ARHGEF7: variants seen among roughly 807,000 people sequenced by gnomAD.
ARHGEF7 encodes Rho guanine nucleotide exchange factor 7.
Under a neutral mutation model 109.8 loss-of-function variants are expected in ARHGEF7, and 33 were observed. The observed-to-expected ratio is 0.30, with a 90% CI of 0.23 to 0.40. The LOEUF is 0.40. Ranked by LOEUF, ARHGEF7 falls within the 10% of genes least tolerant of loss-of-function variation. ARHGEF7 has a pLI of 1.00. For missense variants in ARHGEF7, 938 were observed against 1,098.5 expected, an observed-to-expected ratio of 0.85 and a Z score of 2.07; for synonymous variants, 458 against 424.6, an observed-to-expected ratio of 1.08 and a Z score of -0.97.
intron 2 of ARHGEF7, among the ~76,000 whole-genome samples, chr13:111,184,177 A>C (rs1026770082): frequency 6.6e-6 from 1 of 151,810 alleles, no homozygotes; most frequent in Admixed American, 6.6e-5. Flanking sequence ...TTTGCCTGGC[A>C]CTCATTCTCT....
In ARHGEF7 at chr13:111,292,198, A is replaced by G. The variant is rs199787085; in HGVS notation, c.2215A>G (p.Ser739Gly). ...AAGCCTAGACTCCCTGGGGCGTCGC[A>G]GTAGCCTTTCTCGTTTGGAGCCTTC... ...QPSLDSLGRR[S>G]SLSRLEPSDL... Residue 739 changes from serine (S) to glycine (G), a missense_variant, in exon 19 of 22, where the codon AGT (serine) becomes GGT (glycine). Ser to Gly is a moderately conservative substitution (Grantham distance 56, BLOSUM62 0). Coordinates refer to ENST00000646102, the MANE Select transcript of ARHGEF7 (RefSeq NM_001354046.2). 32 of 1,614,026 alleles carry G rather than the reference A, an allele frequency of 2.0e-5. No homozygotes were observed. Among genetic ancestry groups the G allele is most frequent in the Non-Finnish European group, 2.6e-5 (31 of 1,180,030 alleles).
chr13:111,130,322 A>G (rs2074676011), intron 1 of ARHGEF7, among the ~76,000 whole-genome samples: 1 of 152,216 alleles, frequency 6.6e-6, no homozygotes, highest in Admixed American at 6.5e-5. Flanking sequence ...CACAGTTTAC[A>G]TATGAGCAGT....
rs188101755 is a variant in ARHGEF7, at chr13:111,129,604, T to C, written c.165+13913T>C. ...CCACAAAATATGTACAGATGGCAAA[T>C]AAGCACTCAAAAAGAAGCTCAACAT... On this transcript the variant is annotated intron_variant, in intron 1 of 21. Transcript: ENST00000646102. Among the ~76,000 whole-genome samples the C allele has an allele frequency of 4.6e-3, 694 of 152,244 alleles. 3 individuals carry two copies. The highest frequency in any genetic ancestry group is 7.6e-3 in the Non-Finnish European group (514 of 68,002).
intron 8 of ARHGEF7, among the ~76,000 whole-genome samples, chr13:111,264,074 A>T (rs977465590): frequency 6.6e-6 from 1 of 152,322 alleles, no homozygotes; most frequent in Non-Finnish European, 1.5e-5. Flanking sequence ...TTAGCTGTTC[A>T]CAGTTGGAAA....
rs768145596 is a variant in ARHGEF7 at position 111,252,464 on chromosome 13, A to T, written c.950+8170A>T. On this transcript the variant is annotated intron_variant, in intron 8 of 21. Coordinates refer to ENST00000646102, the MANE Select transcript of ARHGEF7 (RefSeq NM_001354046.2). Reference sequence around the variant, plus strand: ...CTTCTCCTTCCTAGATGTCCAGTACAGAAGACATTACATGTTTTGCTGCAA... The same window carrying T: ...CTTCTCCTTCCTAGATGTCCAGTACTGAAGACATTACATGTTTTGCTGCAA... Among the ~76,000 whole-genome samples, 38 of 152,366 alleles carry T rather than the reference A, an allele frequency of 2.5e-4. No individual in the cohort carries two copies. The Middle Eastern group carries it at 0.024, about 95-fold the overall frequency.
At chr13:111,156,053 A>T (rs1055442570) in intron 2 of ARHGEF7, among the ~76,000 whole-genome samples, 1 of 148,632 alleles carries the variant, frequency 6.7e-6, no homozygotes, top group Non-Finnish European at 1.5e-5. Context: ...ACTGCACTCC[A>T]GCCTGGGTGA....
In ARHGEF7 at chr13:111,174,295, C is replaced by G. The variant is rs368895677; in HGVS notation, c.252+20304C>G. On this transcript the variant is annotated intron_variant, in intron 2 of 21. Transcript: ENST00000646102. ...TTACTGATTTTTACATTTAACCACA[C>G]TGTTAAAATGTCCAGACGGCAGTGC... is the stretch of plus-strand genomic sequence containing the variant. Among the ~76,000 whole-genome samples, 21 of 152,348 alleles carry G rather than the reference C, an allele frequency of 1.4e-4. No homozygotes were observed. In the East Asian group the frequency reaches 3.3e-3, roughly 24 times the overall value.
chr13:111,215,537 G>A (rs1272543737), intron 4 of ARHGEF7, among the ~76,000 whole-genome samples: 1 of 152,148 alleles, frequency 6.6e-6, no homozygotes, highest in East Asian at 1.9e-4. Flanking sequence ...TCGGTGTTCA[G>A]GGTAACATGA....
At position 111,258,975 on chromosome 13, in the gene ARHGEF7, A is replaced by G. The variant is rs2090775845; in HGVS notation, c.951-8573A>G. ...TGCAGGCCCGGTGGTGGCTACAGGG[A>G]GAGGTTTCCTGCTTATGGAAAAGGG... On this transcript the variant is annotated intron_variant, in intron 8 of 21. Transcript: ENST00000646102. The surrounding 1 kb of genome is among the most constrained non-coding windows in gnomAD (Gnocchi z 4.4). 1.3e-5 allele frequency among the ~76,000 whole-genome samples: 2 copies of G among 152,032 alleles called. No homozygotes were observed. The highest frequency in any genetic ancestry group is 4.8e-5 in the African/African-American group (2 of 41,378).
intron 8 of ARHGEF7, among the ~76,000 whole-genome samples, chr13:111,257,029 GTAA>G (rs762938175): frequency 2.0e-5 from 3 of 152,232 alleles, no homozygotes; most frequent in Non-Finnish European, 4.4e-5. Flanking sequence ...TTCCAAAGTT[GTAA>G]TAATCTACAG....
intron 2 of ARHGEF7, among the ~76,000 whole-genome samples, chr13:111,196,478 C>T (rs1566783821): frequency 6.6e-6 from 1 of 152,194 alleles, no homozygotes; most frequent in South Asian, 2.1e-4. Flanking sequence ...TTGCCCTAGA[C>T]CCTGTAGGAA....
intron 1 of ARHGEF7, among the ~76,000 whole-genome samples, chr13:111,137,833 A>C (rs550594417): frequency 1.3e-5 from 2 of 152,220 alleles, no homozygotes; most frequent in African/African-American, 2.4e-5. Flanking sequence ...TATTCAAATT[A>C]GGGTTGGGAA....
rs1238201115 is a variant in ARHGEF7 at position 111,145,746 on chromosome 13, G to A, written c.166-8159G>A. Among the ~76,000 whole-genome samples the A allele has an allele frequency of 6.6e-6, 1 of 152,244 alleles. No individual in the cohort carries two copies. Among genetic ancestry groups the A allele is most frequent in the East Asian group, 1.9e-4 (1 of 5,202 alleles). On this transcript the variant is annotated intron_variant, in intron 1 of 21. Coordinates refer to ENST00000646102, the MANE Select transcript of ARHGEF7 (RefSeq NM_001354046.2). The surrounding 1 kb of genome is among the most constrained non-coding windows in gnomAD (Gnocchi z 4.3). ...TGGCTCAACCCCACCAGAAGCCAGA[G>A]AGCAGGGAAGCCTGGTTGATGCAGT...
chr13:111,146,161 A>G (rs1414685321), intron 1 of ARHGEF7, among the ~76,000 whole-genome samples: 1 of 152,178 alleles, frequency 6.6e-6, no homozygotes, highest in Non-Finnish European at 1.5e-5. Flanking sequence ...TTGATGGCAA[A>G]GACCTGGGGT....
Position 111,272,208 on chromosome 13 carries a change from C to T in ARHGEF7, c.1074-1606C>T, listed in dbSNP as rs1443074798. ...GAGAAGCGGGAAGGGCTGGCACCAC[C>T]CTGGCTCTCAGTCCTCCTTATGGGA... On this transcript the variant is annotated intron_variant, in intron 9 of 21. Coordinates refer to ENST00000646102, the MANE Select transcript of ARHGEF7 (RefSeq NM_001354046.2). This position sits in a 1 kb window ranked among gnomAD's most constrained non-coding sequence, Gnocchi z 5.2. Among the ~76,000 whole-genome samples, 1 of 152,226 alleles carries T rather than the reference C, an allele frequency of 6.6e-6. No individual in the cohort carries two copies. The highest frequency in any genetic ancestry group is 1.5e-5 in the Non-Finnish European group (1 of 68,044).
In ARHGEF7 at chr13:111,145,141, G is replaced by GC. The variant is rs2075528011; in HGVS notation, c.166-8760dup. On this transcript the variant is annotated intron_variant, in intron 1 of 21. Transcript: ENST00000646102. This position sits in a 1 kb window ranked among gnomAD's most constrained non-coding sequence, Gnocchi z 4.3. The stretch of plus-strand genomic sequence containing the variant: ...TTGTGACATATCAGGATATAAAGCT[G>GC]CCCCTTTTTTAAAGGCTGTATGGTA... Among the ~76,000 whole-genome samples, 1 of 151,874 alleles carries GC rather than the reference G, an allele frequency of 6.6e-6. No individual in the cohort carries two copies.
intron 2 of ARHGEF7, among the ~76,000 whole-genome samples, chr13:111,185,537 T>A (rs1273511879): frequency 1.3e-5 from 2 of 152,260 alleles, no homozygotes; most frequent in African/African-American, 4.8e-5. Context: ...TTGTAACTGC[T>A]TGCATTTTGA....
In ARHGEF7 at chr13:111,303,241, T is replaced by A; in HGVS notation, c.*128T>A. 1.1e-6 allele frequency: 1 copy of A among 882,948 alleles called. No individual in the cohort carries two copies. The highest frequency in any genetic ancestry group is 2.0e-5 in the South Asian group (1 of 50,614). The allele number at this position is 882,948 out of a possible 1,614,324, so 54.7% of individuals were successfully genotyped here. On this transcript the variant is annotated 3_prime_UTR_variant, in exon 22 of 22. Transcript: ENST00000646102. ...GGGGCGCCACCTTGCTCTCTGTATA[T>A]AGAAAAGCTGGAGCTTATTCTGCGA...
intron 4 of ARHGEF7, among the ~76,000 whole-genome samples, chr13:111,211,054 C>T (rs533754634): frequency 1.2e-4 from 18 of 152,168 alleles, no homozygotes; most frequent in East Asian, 1.9e-4. Flanking sequence ...AACTCAAGCT[C>T]GCTATCATTG....
Sources: allele counts gnomAD v4.1 joint callset (sites outside exome capture counted in the v4.1 genomes callset), GRCh38; gene constraint gnomAD v4.1.1; non-coding constraint Gnocchi (gnomAD v3.1); transcripts MANE v1.5; gene names NCBI Gene and HGNC (gene_info 2026-07-23, HGNC 2026-07-21).